The following ABCB5 variants were observed in gnomAD, a reference collection of about 807,000 sequenced individuals.
The protein encoded by ABCB5 is ATP-binding cassette sub-family B member 5.
ABCB5 carries 155 observed loss-of-function variants against 144.2 expected under a neutral mutation model. The observed-to-expected ratio is 1.08, with a 90% CI of 0.94 to 1.23. The LOEUF is 1.23. Among genes scored for constraint, ABCB5 ranks in the 50% most tolerant of loss-of-function variants. The pLI, the probability that ABCB5 is intolerant of heterozygous loss-of-function variation, is 0.00. For missense variants in ABCB5, 1,830 were observed against 1,520.8 expected, an observed-to-expected ratio of 1.20 and a Z score of -3.38; for synonymous variants, 610 against 528.6, an observed-to-expected ratio of 1.15 and a Z score of -2.11.
intron 1 of ABCB5, among the ~76,000 whole-genome samples, chr7:20,617,241 A>G (rs994350534): frequency 3.3e-5 from 5 of 152,200 alleles, no homozygotes; most frequent in Non-Finnish European, 7.3e-5. Flanking sequence ...TAGAATGAGT[A>G]AATTTTTTTA....
Position 20,643,646 on chromosome 7 carries a change from C to T in ABCB5, c.678+14C>T. The stretch of plus-strand genomic sequence containing the variant: ...GCATGTTCTAGGGTAAGTGAGATGG[C>T]TAATGCAATATTGAATGGAAGCAGC... On this transcript the variant is annotated intron_variant, in intron 7 of 27. Coordinates refer to ENST00000404938, the MANE Select transcript of ABCB5 (RefSeq NM_001163941.2). 1 of 1,613,070 alleles carries T rather than the reference C, an allele frequency of 6.2e-7. No homozygotes were observed. Among genetic ancestry groups the T allele is most frequent in the Non-Finnish European group, 8.5e-7 (1 of 1,179,334 alleles).
chr7:20,750,149 G>A (rs1255664034), intron 26 of ABCB5, among the ~76,000 whole-genome samples: 1 of 152,130 alleles, frequency 6.6e-6, no homozygotes, highest in Admixed American at 6.5e-5. Flanking sequence ...AAAGACACAG[G>A]CAGCTTGAGA....
At chr7:20,685,661 T>C in intron 15 of ABCB5, 35 bp from the exon 16 acceptor site, 1 of 1,539,956 alleles carries the variant, frequency 6.5e-7, no homozygotes, top group Non-Finnish European at 8.8e-7. Flanking sequence ...TTTAAGGCAT[T>C]CTTATAATGA....
intron 4 of ABCB5, among the ~76,000 whole-genome samples, chr7:20,630,275 T>C (rs556788945): frequency 6.6e-6 from 1 of 152,292 alleles, no homozygotes; most frequent in East Asian, 1.9e-4. Context: ...GACTGTCTTT[T>C]CATCAACATT....
chr7:20,735,720 T>C (rs1352141061), intron 23 of ABCB5, among the ~76,000 whole-genome samples: 2 of 152,128 alleles, frequency 1.3e-5, no homozygotes, highest in Non-Finnish European at 1.5e-5. Flanking sequence ...CTCCAACATG[T>C]AGGAAAAGAC....
intron 27 of ABCB5, 31 bp from the exon 28 acceptor site, chr7:20,755,396 A>G (rs1362583262): frequency 6.2e-7 from 1 of 1,605,796 alleles, no homozygotes. Context: ...TCTAACTCAA[A>G]CTGGTGATCA....
intron 14 of ABCB5, among the ~76,000 whole-genome samples, chr7:20,671,621 A>G (rs1785461670): frequency 2.0e-5 from 3 of 152,174 alleles, no homozygotes; most frequent in Admixed American, 6.5e-5. Context: ...TTATTTTGAG[A>G]CTCATCCATG....
intron 23 of ABCB5, 51 bp from the exon 24 acceptor site, chr7:20,738,932 T>G (rs762319298): frequency 6.6e-7 from 1 of 1,517,610 alleles, no homozygotes; most frequent in Non-Finnish European, 8.8e-7. Flanking sequence ...AGTTCTACTG[T>G]TTTACAAAGG....
At chr7:20,726,758 A>G (rs1323924383) in intron 21 of ABCB5, among the ~76,000 whole-genome samples, 3 of 152,186 alleles carry the variant, frequency 2.0e-5, no homozygotes, top group African/African-American at 4.8e-5. Context: ...TCTTCTGTCT[A>G]TGGAACAAGT....
chr7:20,749,179 A>T (rs1411890679), intron 26 of ABCB5, among the ~76,000 whole-genome samples: 31 of 83,944 alleles, frequency 3.7e-4, no homozygotes, highest in East Asian at 7.2e-4. Context: ...TTCCCTCTCT[A>T]CTTCCTTCCT....
intron 14 of ABCB5, among the ~76,000 whole-genome samples, chr7:20,678,256 T>C (rs1785677455): frequency 6.6e-6 from 1 of 152,220 alleles, no homozygotes; most frequent in Non-Finnish European, 1.5e-5. Flanking sequence ...TATCATTTAA[T>C]CTTAATAGCC....
rs199505251 is a variant in ABCB5, at chr7:20,658,525, G to A, written c.1556G>A (p.Gly519Glu). Residue 519 changes from glycine to glutamate, a missense_variant, in exon 14 of 28, where the codon GGG becomes GAG. By Grantham distance (98) the Gly-to-Glu change is moderately conservative. Transcript: ENST00000404938. ...CATTAGAAATTTAATACATTGGTAG[G>A]GGAAAAAGGAGCTCAAATGAGTGGA... ...EFPNKFNTLV[G>E]EKGAQMSGGQ... The A allele has an allele frequency of 6.2e-7, 1 of 1,613,766 alleles. No individual in the cohort carries two copies. The highest frequency in any genetic ancestry group is 8.5e-7 in the Non-Finnish European group (1 of 1,179,920).
chr7:20,730,320 G>A (rs1782166757), intron 23 of ABCB5, among the ~76,000 whole-genome samples: 1 of 152,188 alleles, frequency 6.6e-6, no homozygotes, highest in Non-Finnish European at 1.5e-5. Context: ...GACCAGCCTG[G>A]ACAACCTGTG....
chr7:20,715,065 G>A (rs1290415864), intron 20 of ABCB5, among the ~76,000 whole-genome samples: 2 of 151,994 alleles, frequency 1.3e-5, no homozygotes, highest in Admixed American at 6.6e-5. Context: ...TTTATTATGA[G>A]ACAGAGTCTC....
intron 19 of ABCB5, 76 bp from the exon 20 acceptor site, chr7:20,704,648 T>C: frequency 8.5e-7 from 1 of 1,181,898 alleles, no homozygotes; most frequent in Non-Finnish European, 1.2e-6. Context: ...TGTTTTCTGA[T>C]TTACAGCAGA....
At chr7:20,656,228 G>C (rs1784787049) in intron 13 of ABCB5, among the ~76,000 whole-genome samples, 1 of 152,056 alleles carries the variant, frequency 6.6e-6, no homozygotes, top group African/African-American at 2.4e-5. Flanking sequence ...AGAGGCAAAA[G>C]TTTCTTAGAC....
At position 20,638,536 on chromosome 7, in the gene ABCB5, G is replaced by A. The variant is rs546967256; in HGVS notation, c.315-4648G>A. On this transcript the variant is annotated intron_variant, in intron 5 of 27. Coordinates refer to ENST00000404938, the MANE Select transcript of ABCB5 (RefSeq NM_001163941.2). Reference sequence around the variant, plus strand: ...TCCCTATTCCCATGCCCAGCTTGAGGCAACTCCTTATCTGCTTTTCATCTC... The same window carrying A: ...TCCCTATTCCCATGCCCAGCTTGAGACAACTCCTTATCTGCTTTTCATCTC... 9.2e-5 allele frequency among the ~76,000 whole-genome samples: 14 copies of A among 152,236 alleles called. No homozygotes were observed. The South Asian group carries it at 2.9e-3, about 32-fold the overall frequency.
chr7:20,752,359 C>G (rs1301754111), intron 26 of ABCB5, among the ~76,000 whole-genome samples: 1 of 152,190 alleles, frequency 6.6e-6, no homozygotes, highest in Non-Finnish European at 1.5e-5. Flanking sequence ...CCTGCTTACC[C>G]CAACTGTACT....
chr7:20,630,433 C>G (rs1020735668), intron 4 of ABCB5, among the ~76,000 whole-genome samples: 4 of 151,860 alleles, frequency 2.6e-5, no homozygotes, highest in Non-Finnish European at 5.9e-5. Flanking sequence ...TCTTTAAACT[C>G]AAAAGTAAAT....
Sources: gnomAD v4.1 joint callset for allele counts (sites outside exome capture counted in the v4.1 genomes callset) on GRCh38, gnomAD v4.1.1 for gene constraint, MANE v1.5 for transcripts, NCBI Gene and HGNC (gene_info 2026-07-23, HGNC 2026-07-21) for gene names.